The following CASKIN1 variants were observed in gnomAD, a reference collection of about 807,000 sequenced individuals.
CASKIN1 encodes the protein caskin-1.
In CASKIN1, 42 loss-of-function variants were observed where a neutral mutation model predicts 117.5. The ratio of observed to expected loss-of-function variants is 0.36; its 90% CI spans 0.28 to 0.46. CASKIN1 has a LOEUF of 0.46. Among genes scored for constraint, CASKIN1 ranks in the 20% least tolerant of loss-of-function variants. The pLI is 1.00. For missense variants in CASKIN1, 2,083 were observed against 2,077.3 expected, an observed-to-expected ratio of 1.00 and a Z score of -0.05; for synonymous variants, 1,148 against 961.7, an observed-to-expected ratio of 1.19 and a Z score of -3.59.
In CASKIN1 at chr16:2,179,835, C is replaced by A; in HGVS notation, c.3533G>T (p.Arg1178Leu). The A allele has an allele frequency of 1.3e-6, 2 of 1,599,606 alleles. No individual in the cohort carries two copies. The highest frequency in any genetic ancestry group is 1.7e-6 in the Non-Finnish European group (2 of 1,174,752). Reference sequence around the variant, plus strand: ...AGCCTGCTCCGAGGCCGGTCGGCGGCGCACGGTGCCAGTGCCATTATGGTA... The same window carrying A: ...AGCCTGCTCCGAGGCCGGTCGGCGGAGCACGGTGCCAGTGCCATTATGGTA... ...SVYHNGTGTV[R>L]RRPASEQAGP... Residue 1178 changes from arginine to leucine, a missense_variant, in exon 18 of 20, where the codon CGC (arginine) becomes CTC (leucine). By Grantham distance (102) the Arg-to-Leu change is moderately radical. This residue lies in a region of CASKIN1 where 1,818 missense variants were observed against 1,688.9 expected (regional missense o/e 1.08). Coordinates refer to ENST00000343516, the MANE Select transcript of CASKIN1 (RefSeq NM_020764.4). The surrounding 1 kb of genome is among the most constrained non-coding windows in gnomAD (Gnocchi z 5.8).
Position 2,180,065 on chromosome 16 carries a change from C to T in CASKIN1, c.3303G>A (p.Arg1101=), listed in dbSNP as rs1176251977. ...CACCCGCCTCGCCCTTGGAGGGACCCCGAGGCCGCTGCCGGCCAGTGCCAT... is the reference window on the plus strand; with the variant it reads ...CACCCGCCTCGCCCTTGGAGGGACCTCGAGGCCGCTGCCGGCCAGTGCCAT... ...VEDGTGRQRP[R]GPSKGEAGVE... is the part of the protein sequence containing the mutation. The change falls in exon 18 of 20, where the codon CGG becomes CGA. Residue 1101 remains arginine, a synonymous_variant. Transcript: ENST00000343516. The T allele has an allele frequency of 1.3e-6, 2 of 1,581,156 alleles. No individual in the cohort carries two copies. Among genetic ancestry groups the T allele is most frequent in the Middle Eastern group, 1.7e-4 (1 of 5,952 alleles).
Position 2,178,487 on chromosome 16 carries a change from T to C in CASKIN1, c.*63A>G. Reference sequence around the variant, plus strand: ...GCGCCGCGCCCAGACGCGCCCATCCTGAGGTATAGGTCAGTGTGCGGGGAG... The same window carrying C: ...GCGCCGCGCCCAGACGCGCCCATCCCGAGGTATAGGTCAGTGTGCGGGGAG... On this transcript the variant is annotated 3_prime_UTR_variant, in exon 20 of 20. Coordinates refer to ENST00000343516, the MANE Select transcript of CASKIN1 (RefSeq NM_020764.4). The C allele has an allele frequency of 7.6e-7, 1 of 1,316,904 alleles. No individual in the cohort carries two copies. Among genetic ancestry groups the C allele is most frequent in the Admixed American group, 2.6e-5 (1 of 39,056 alleles). The allele number at this position is 1,316,904 out of a possible 1,614,324, so 81.6% of individuals were successfully genotyped here.
At position 2,181,875 on chromosome 16, in the gene CASKIN1, A is replaced by G; in HGVS notation, c.1684T>C (p.Leu562=). 6.2e-7 allele frequency: 1 copy of G among 1,613,790 alleles called. No homozygotes were observed. Among genetic ancestry groups the G allele is most frequent in the Non-Finnish European group, 8.5e-7 (1 of 1,179,980 alleles). Residue 562 remains leucine, a synonymous_variant, in exon 17 of 20, where the codon TTG becomes CTG. Transcript: ENST00000343516. Reference sequence around the variant, plus strand: ...ATGTTCTCGTAGCCATTGTCCACCAACACCTTGTAGTACTGGGCCAGGCCG... The same window carrying G: ...ATGTTCTCGTAGCCATTGTCCACCAGCACCTTGTAGTACTGGGCCAGGCCG... The part of the protein sequence containing the change: ...MIGLAQYYKV[L]VDNGYENIDF...
chr16:2,190,374 G>A lies in CASKIN1; in HGVS notation c.95-16C>T. 6.4e-7 allele frequency: 1 copy of A among 1,564,340 alleles called. No individual in the cohort carries two copies. On this transcript the variant is annotated splice_polypyrimidine_tract_variant and intron_variant, in intron 1 of 19. Coordinates refer to ENST00000343516, the MANE Select transcript of CASKIN1 (RefSeq NM_020764.4). The stretch of plus-strand genomic sequence containing the variant: ...CCCAGGAGCTCTGGGGATGGAAGGA[G>A]ACTCAGTGAGGGGAGGCTGTGCCAG...
chr16:2,179,267 G>GGGCGGC lies in CASKIN1; in HGVS notation c.3828_3833dup (p.Pro1277_Pro1278dup), dbSNP rs763987478. 3.3e-6 allele frequency: 4 copies of GGGCGGC among 1,213,082 alleles called. No individual in the cohort carries two copies. Among genetic ancestry groups the GGGCGGC allele is most frequent in the Admixed American group, 4.3e-5 (1 of 23,038 alleles). The allele number at this position is 1,213,082 out of a possible 1,614,324, so 75.1% of individuals were successfully genotyped here. ...CCGCCTTGACGGGCTTGGGCGCTGT[G>GGGCGGC]GGCGGCGGCGGCGGCTTGGGAGACA... On this transcript the variant is annotated inframe_insertion, in exon 19 of 20. Transcript: ENST00000343516. This position sits in a 1 kb window ranked among gnomAD's most constrained non-coding sequence, Gnocchi z 5.8.
chr16:2,188,357 T>G (rs2093191110), intron 6 of CASKIN1, among the ~76,000 whole-genome samples: 2 of 151,048 alleles, frequency 1.3e-5, no homozygotes, highest in African/African-American at 2.4e-5. Context: ...CAGCCGATTT[T>G]TTTTTTTTTT....
At chr16:2,194,547 C>G (rs527297470) in intron 1 of CASKIN1, among the ~76,000 whole-genome samples, 61 of 152,312 alleles carry the variant, frequency 4.0e-4, no homozygotes, top group Middle Eastern at 3.4e-3. Flanking sequence ...GGACACCCCC[C>G]ACCTCGTGGC....
intron 1 of CASKIN1, among the ~76,000 whole-genome samples, chr16:2,194,113 A>G (rs1005230949): frequency 7.2e-5 from 11 of 152,150 alleles, no homozygotes; most frequent in African/African-American, 2.7e-4. Context: ...GGTCCAGTCC[A>G]TATCCCAGGC....
At position 2,187,030 on chromosome 16, in the gene CASKIN1, CAAT is replaced by C; in HGVS notation, c.875_877del (p.Tyr292del). 6.2e-7 allele frequency: 1 copy of C among 1,613,836 alleles called. No individual in the cohort carries two copies. The highest frequency in any genetic ancestry group is 8.5e-7 in the Non-Finnish European group (1 of 1,179,926). On this transcript the variant is annotated inframe_deletion, in exon 9 of 20. Transcript: ENST00000343516. ...GAGGCTGGTCAGGTCGTAATTGTTGCAATAATCCTTGGTCGCCCGGACCTGCAG... is the reference window on the plus strand; with the variant it reads ...GAGGCTGGTCAGGTCGTAATTGTTGCAATCCTTGGTCGCCCGGACCTGCAG...
In CASKIN1 at chr16:2,178,623, G is replaced by A; in HGVS notation, c.4223C>T (p.Thr1408Ile). The A allele has an allele frequency of 1.9e-6, 3 of 1,595,548 alleles. No homozygotes were observed. The highest frequency in any genetic ancestry group is 2.3e-5 in the East Asian group (1 of 43,816). ...GPRDSAAEKSTGSILDDIGSM... is the reference protein window; with the variant it reads ...GPRDSAAEKSIGSILDDIGSM... ...GCCGATGTCGTCCAGGATGCTGCCA[G>A]TGCTCTTTTCCGCCGCCGAGTCGCT... The change falls in exon 20 of 20, where the codon ACT becomes ATT. Residue 1408 changes from threonine to isoleucine, a missense_variant. Thr to Ile is a moderately conservative substitution (Grantham distance 89, BLOSUM62 -1). Transcript: ENST00000343516.
At chr16:2,190,446 C>T (rs1380453003) in intron 1 of CASKIN1, 88 bp from the exon 2 acceptor site, 2 of 1,200,458 alleles carry the variant, frequency 1.7e-6, no homozygotes, top group Non-Finnish European at 2.4e-6. Context: ...AGCCATCTCC[C>T]CGGCAGGCAC....
At position 2,196,311 on chromosome 16, in the gene CASKIN1, A is replaced by AC; in HGVS notation, c.94+27dup. The AC allele has an allele frequency of 9.1e-7, 1 of 1,100,298 alleles. No homozygotes were observed. The highest frequency in any genetic ancestry group is 1.1e-6 in the Non-Finnish European group (1 of 890,282). 68.2% of individuals were successfully genotyped at this position (1,100,298 alleles called of 1,614,324 possible). A position where few individuals can be genotyped will look rare whatever the true frequency, so the allele number is the denominator to read the frequency against. Reference sequence around the variant, plus strand: ...CCGGGGAGGGGCCCCCGGGGCTCCCACCCGCGCCCCGCGCCCCCGGCACTC... The same window carrying AC: ...CCGGGGAGGGGCCCCCGGGGCTCCCACCCCGCGCCCCGCGCCCCCGGCACTC... On this transcript the variant is annotated intron_variant, in intron 1 of 19. Coordinates refer to ENST00000343516, the MANE Select transcript of CASKIN1 (RefSeq NM_020764.4). This position sits in a 1 kb window ranked among gnomAD's most constrained non-coding sequence, Gnocchi z 5.7.
chr16:2,183,400 G>C (rs1053192081), intron 16 of CASKIN1, among the ~76,000 whole-genome samples: 2 of 152,152 alleles, frequency 1.3e-5, no homozygotes, highest in African/African-American at 4.8e-5. Context: ...CATGGACGTG[G>C]GGAGGGGACT....
chr16:2,179,775 G>A lies in CASKIN1; in HGVS notation c.3593C>T (p.Ala1198Val). 6.4e-7 allele frequency: 1 copy of A among 1,564,828 alleles called. No individual in the cohort carries two copies. The highest frequency in any genetic ancestry group is 1.2e-5 in the South Asian group (1 of 86,864). ...CGCCAGGTCGGTGGGCGGGGGTTCG[G>A]CAGGCGGGGGCGGTGGAGGCAGCTC... is the stretch of plus-strand genomic sequence containing the variant. ...PPELPPPPPP[A>V]EPPPTDLAHL... is the part of the protein sequence containing the mutation. The change falls in exon 18 of 20, where the codon GCC (alanine) becomes GTC (valine). Residue 1198 changes from alanine to valine, a missense_variant. Physicochemically the swap from Ala to Val is moderately conservative, Grantham distance 64 (BLOSUM62 0). This residue lies in a region of CASKIN1 where 1,818 missense variants were observed against 1,688.9 expected (regional missense o/e 1.08). Transcript: ENST00000343516. The surrounding 1 kb of genome is among the most constrained non-coding windows in gnomAD (Gnocchi z 5.8).
rs563309232 is a variant in CASKIN1 at position 2,196,442 on chromosome 16, G to C, written c.-10C>G. ...CCTGCTCCTTCCCCATGGCGCGGCCGGGGCCGCAGCGACGCGGCTGCGCTC... is the reference window on the plus strand; with the variant it reads ...CCTGCTCCTTCCCCATGGCGCGGCCCGGGCCGCAGCGACGCGGCTGCGCTC... On this transcript the variant is annotated 5_prime_UTR_variant, in exon 1 of 20. Coordinates refer to ENST00000343516, the MANE Select transcript of CASKIN1 (RefSeq NM_020764.4). This position sits in a 1 kb window ranked among gnomAD's most constrained non-coding sequence, Gnocchi z 5.7. The C allele has an allele frequency of 1.8e-5, 22 of 1,246,964 alleles. No individual in the cohort carries two copies. Among genetic ancestry groups the C allele is most frequent in the Non-Finnish European group, 2.1e-5 (21 of 981,376 alleles). 77.2% of individuals were successfully genotyped at this position (1,246,964 alleles called of 1,614,324 possible).
In CASKIN1 at chr16:2,182,065, A is replaced by G. The variant is rs2141315287; in HGVS notation, c.1630-136T>C. 8.1e-7 allele frequency: 1 copy of G among 1,234,480 alleles called. No homozygotes were observed. Among genetic ancestry groups the G allele is most frequent in the East Asian group, 2.4e-5 (1 of 41,710 alleles). 76.5% of individuals were successfully genotyped at this position (1,234,480 alleles called of 1,614,324 possible). On this transcript the variant is annotated intron_variant, in intron 16 of 19. Transcript: ENST00000343516. This position sits in a 1 kb window ranked among gnomAD's most constrained non-coding sequence, Gnocchi z 4.1. ...GGAGGACAAACGGATAGGCCGAGGT[A>G]TTGGCACCAGAAATGTAGGCAGAGC...
Position 2,178,635 on chromosome 16 carries a change from G to A in CASKIN1, c.4211C>T (p.Ala1404Val). Residue 1404 changes from alanine (A) to valine (V), a missense_variant, in exon 20 of 20, where the codon GCG (alanine) becomes GTG (valine). Physicochemically the swap from Ala to Val is moderately conservative, Grantham distance 64. Around this residue, in one of 3 missense-constraint regions of CASKIN1, gnomAD observed 1,818 missense variants for 1,688.9 expected, o/e 1.08. Transcript: ENST00000343516. ...EDAQGPRDSA[A>V]EKSTGSILDD... Reference sequence around the variant, plus strand: ...CAGGATGCTGCCAGTGCTCTTTTCCGCCGCCGAGTCGCTGCGGGGCGCGGG... The same window carrying A: ...CAGGATGCTGCCAGTGCTCTTTTCCACCGCCGAGTCGCTGCGGGGCGCGGG... 3 of 1,591,300 alleles carry A rather than the reference G, an allele frequency of 1.9e-6. No individual in the cohort carries two copies. The highest frequency in any genetic ancestry group is 2.6e-6 in the Non-Finnish European group (3 of 1,174,464).
intron 14 of CASKIN1, 83 bp from the exon 15 acceptor site, chr16:2,184,024 G>A (rs2093176215): frequency 4.3e-6 from 4 of 927,878 alleles, no homozygotes; most frequent in Non-Finnish European, 4.8e-6. Flanking sequence ...TGCTTGGCCG[G>A]CCAGCCGTGC....
At position 2,179,995 on chromosome 16, in the gene CASKIN1, T is replaced by C. The variant is rs1311799670; in HGVS notation, c.3373A>G (p.Lys1125Glu). 6.2e-7 allele frequency: 1 copy of C among 1,604,326 alleles called. No homozygotes were observed. The highest frequency in any genetic ancestry group is 8.5e-7 in the Non-Finnish European group (1 of 1,175,936). ...LAKVEASATL[K>E]RRIRAKQNQQ... ...TTCTGCTTGGCCCGGATGCGCCTCT[T>C]GAGTGTGGCGCTGGCTTCCACCTTG... is the stretch of plus-strand genomic sequence containing the variant. The change falls in exon 18 of 20, where the codon AAG (lysine) becomes GAG (glutamate). Residue 1125 changes from lysine to glutamate, a missense_variant. Coordinates refer to ENST00000343516, the MANE Select transcript of CASKIN1 (RefSeq NM_020764.4). This position sits in a 1 kb window ranked among gnomAD's most constrained non-coding sequence, Gnocchi z 5.8.
Sources: allele counts gnomAD v4.1 joint callset (sites outside exome capture counted in the v4.1 genomes callset), GRCh38; gene constraint gnomAD v4.1.1; regional missense constraint gnomAD v4.1.1; non-coding constraint Gnocchi (gnomAD v3.1); transcripts MANE v1.5; gene names NCBI Gene and HGNC (gene_info 2026-07-23, HGNC 2026-07-21).